Variants in SCCPDH observed in about 807,000 individuals in gnomAD.
SCCPDH encodes the protein saccharopine dehydrogenase (putative).
SCCPDH carries 34 observed loss-of-function variants against 51.5 expected under a neutral mutation model. The ratio of observed to expected loss-of-function variants is 0.66; its 90% CI spans 0.50 to 0.88. SCCPDH has a LOEUF of 0.88. SCCPDH is among the 40% of genes least tolerant of loss of function. The pLI is 0.00. For synonymous variants in SCCPDH, 187 were observed against 191.3 expected, an observed-to-expected ratio of 0.98 and a Z score of 0.19; for missense variants, 464 against 527.1, an observed-to-expected ratio of 0.88 and a Z score of 1.17.
intron 2 of SCCPDH, among the ~76,000 whole-genome samples, chr1:246,727,338 AATTAT>A (rs1341148103): frequency 6.6e-6 from 1 of 152,152 alleles, no homozygotes; most frequent in Non-Finnish European, 1.5e-5. Flanking sequence ...TTTATTTATA[AATTAT>A]ATTCTTGTAC....
chr1:246,746,789 C>T (rs1045348969), intron 5 of SCCPDH, among the ~76,000 whole-genome samples: 38 of 152,118 alleles, frequency 2.5e-4, no homozygotes, highest in African/African-American at 8.7e-4. Context: ...TGCAGTGAGC[C>T]GAGATCGTGC....
Position 246,760,032 on chromosome 1 carries a change from T to A in SCCPDH, c.889T>A (p.Leu297Met). Residue 297 changes from leucine to methionine, a missense_variant, in exon 8 of 12, where the codon TTG (leucine) becomes ATG (methionine). Leu to Met is a conservative substitution (Grantham distance 15). Coordinates refer to ENST00000366510, the MANE Select transcript of SCCPDH (RefSeq NM_016002.3). ...IKLMFAGLFFLFFVRFGIGRQ... is the reference protein window; with the variant it reads ...IKLMFAGLFFMFFVRFGIGRQ... Reference sequence around the variant, plus strand: ...GCTGATGTTTGCAGGACTTTTCTTTTTGTTCTTTGTGAGGTTTGGAATTGG... The same window carrying A: ...GCTGATGTTTGCAGGACTTTTCTTTATGTTCTTTGTGAGGTTTGGAATTGG... 6.2e-7 allele frequency: 1 copy of A among 1,613,836 alleles called. No individual in the cohort carries two copies.
chr1:246,732,290 T>C (rs1668504299), intron 2 of SCCPDH, among the ~76,000 whole-genome samples: 1 of 152,142 alleles, frequency 6.6e-6, no homozygotes, highest in South Asian at 2.1e-4. Context: ...AACTAAGATA[T>C]AATTGTGCAG....
intron 4 of SCCPDH, among the ~76,000 whole-genome samples, chr1:246,743,424 A>G (rs576378642): frequency 1.2e-4 from 19 of 152,180 alleles, no homozygotes; most frequent in African/African-American, 4.6e-4. Context: ...CTCTACTAAA[A>G]ATACAAAAAT....
At chr1:246,758,402 A>G in intron 6 of SCCPDH, 46 bp downstream of exon 6, 1 of 1,436,892 alleles carries the variant, frequency 7.0e-7, no homozygotes. Flanking sequence ...GTCTAAGTAT[A>G]TTGTTGTTGG....
chr1:246,748,332 G>T (rs1017467918), intron 5 of SCCPDH, among the ~76,000 whole-genome samples: 1 of 152,162 alleles, frequency 6.6e-6, no homozygotes, highest in African/African-American at 2.4e-5. Context: ...CGGAGAAAGG[G>T]TTATCGGCTC....
At position 246,724,467 on chromosome 1, in the gene SCCPDH, G is replaced by C; in HGVS notation, c.45G>C (p.Ala15=). ...QRPFHLVVFG[A]SGFTGQFVTE... is the part of the protein sequence containing the mutation. ...CTTTCCACCTGGTGGTGTTCGGCGCGTCTGGCTTCACCGGCCAGTTCGTGA... is the reference window on the plus strand; with the variant it reads ...CTTTCCACCTGGTGGTGTTCGGCGCCTCTGGCTTCACCGGCCAGTTCGTGA... Residue 15 remains alanine (A), a synonymous_variant, in exon 1 of 12, where the codon GCG becomes GCC. Transcript: ENST00000366510. 6.3e-7 allele frequency: 1 copy of C among 1,590,950 alleles called. No homozygotes were observed. Among genetic ancestry groups the C allele is most frequent in the Non-Finnish European group, 8.5e-7 (1 of 1,171,346 alleles).
chr1:246,755,915 C>A (rs3007328), intron 5 of SCCPDH: 139,650 of 152,168 alleles, frequency 0.92, 65,259 homozygotes, highest in East Asian at 1. Context: ...TCGGTAGATG[C>A]TGCTGGGACA....
chr1:246,750,776 T>G (rs1668840643), intron 5 of SCCPDH, among the ~76,000 whole-genome samples: 1 of 152,260 alleles, frequency 6.6e-6, no homozygotes, highest in Non-Finnish European at 1.5e-5. Context: ...TACTAATAAA[T>G]ACTTTAGACG....
At chr1:246,753,145 T>C in intron 5 of SCCPDH, among the ~76,000 whole-genome samples, 1 of 152,052 alleles carries the variant, frequency 6.6e-6, no homozygotes, top group East Asian at 1.9e-4. Context: ...TTGAGTCTCC[T>C]GGCTTTACTC....
At chr1:246,746,712 A>C (rs1668767156) in intron 5 of SCCPDH, among the ~76,000 whole-genome samples, 1 of 152,174 alleles carries the variant, frequency 6.6e-6, no homozygotes, top group African/African-American at 2.4e-5. Flanking sequence ...ATGGTGGCAC[A>C]TTCCTGTAAT....
chr1:246,760,177 T>TG lies in SCCPDH; in HGVS notation c.942dup (p.Phe315ValfsTer18). The TG allele has an allele frequency of 6.2e-7, 1 of 1,609,474 alleles. No individual in the cohort carries two copies. Among genetic ancestry groups the TG allele is most frequent in the Non-Finnish European group, 8.5e-7 (1 of 1,178,886 alleles). On this transcript the variant is annotated frameshift_variant, in exon 9 of 12. Coordinates refer to ENST00000366510, the MANE Select transcript of SCCPDH (RefSeq NM_016002.3). LOFTEE classifies it high-confidence loss of function. Reference sequence around the variant, plus strand: ...GGTTTTTTTTTCCCTTTAGTTCCCATGGTTCTTCTCCTTTGGCTATTTTTC... The same window carrying TG: ...GGTTTTTTTTTCCCTTTAGTTCCCATGGGTTCTTCTCCTTTGGCTATTTTTC...
chr1:246,729,911 C>T (rs1490527393), intron 2 of SCCPDH, among the ~76,000 whole-genome samples: 1 of 152,158 alleles, frequency 6.6e-6, no homozygotes, highest in Non-Finnish European at 1.5e-5. Flanking sequence ...TTCAGCTGGT[C>T]CCTCTGTTCG....
At chr1:246,725,990 G>C (rs1668392364) in intron 1 of SCCPDH, among the ~76,000 whole-genome samples, 1 of 152,140 alleles carries the variant, frequency 6.6e-6, no homozygotes, top group Non-Finnish European at 1.5e-5. Context: ...TCAGCCTCCT[G>C]AGTAGCTGGG....
chr1:246,724,751 A>T (rs10754532), intron 1 of SCCPDH, 139 bp downstream of exon 1: 2 of 704,860 alleles, frequency 2.8e-6, no homozygotes, highest in East Asian at 6.7e-5. Context: ...GGAGAGGGAG[A>T]GATGTTTCAA....
intron 5 of SCCPDH, among the ~76,000 whole-genome samples, chr1:246,757,446 G>A (rs1005661484): frequency 1.0e-4 from 13 of 127,186 alleles, no homozygotes; most frequent in African/African-American, 3.9e-4. Context: ...GGCGCTAGAG[G>A]TAAGGGTTGG....
At chr1:246,726,444 C>T (rs1308407963) in intron 1 of SCCPDH, among the ~76,000 whole-genome samples, 2 of 151,582 alleles carry the variant, frequency 1.3e-5, no homozygotes, top group African/African-American at 2.4e-5. Context: ...TGCTATGTTG[C>T]CCAAGCTGGT....
At chr1:246,724,751 A>G (rs10754532) in intron 1 of SCCPDH, 139 bp downstream of exon 1, 310,846 of 703,882 alleles carry the variant, frequency 0.44, 70,922 homozygotes, top group South Asian at 0.49. Flanking sequence ...GGAGAGGGAG[A>G]GATGTTTCAA....
At chr1:246,753,280 C>G (rs1025181465) in intron 5 of SCCPDH, among the ~76,000 whole-genome samples, 19 of 152,216 alleles carry the variant, frequency 1.2e-4, no homozygotes, top group African/African-American at 4.6e-4. Flanking sequence ...TTCATCTCTT[C>G]TTACATACAC....
Sources: allele counts gnomAD v4.1 joint callset (sites outside exome capture counted in the v4.1 genomes callset), GRCh38; gene constraint gnomAD v4.1.1; transcripts MANE v1.5; gene names NCBI Gene and HGNC (gene_info 2026-07-23, HGNC 2026-07-21).